Variants in LRFN5 observed in about 807,000 individuals in gnomAD.
LRFN5 encodes leucine rich repeat and fibronectin type III domain containing 5.
Under a neutral mutation model 45.6 loss-of-function variants are expected in LRFN5, and 24 were observed. The ratio of observed to expected loss-of-function variants is 0.53; its 90% CI spans 0.38 to 0.74. The LOEUF is 0.74. Ranked by LOEUF, LRFN5 falls within the 30% of genes least tolerant of loss-of-function variation. LRFN5 has a pLI of 0.00. For missense variants in LRFN5, 776 were observed against 861.5 expected (o/e 0.90, Z 1.24); for synonymous variants, 340 against 313.8 (o/e 1.08, Z -0.88).
intron 1 of LRFN5, among the ~76,000 whole-genome samples, chr14:41,672,394 C>G (rs757035515): frequency 2.6e-5 from 4 of 152,014 alleles, no homozygotes; most frequent in Non-Finnish European, 1.5e-5. Flanking sequence ...TGCCTCCTTT[C>G]TGATATATAC....
At chr14:41,803,517 AG>A (rs907108811) in intron 2 of LRFN5, among the ~76,000 whole-genome samples, 12 of 145,244 alleles carry the variant, frequency 8.3e-5, no homozygotes, top group African/African-American at 3.0e-4. Flanking sequence ...GTGCCAGGAT[AG>A]TTTTTTTTTT....
At chr14:41,818,990 G>A (rs1888019324) in intron 2 of LRFN5, among the ~76,000 whole-genome samples, 1 of 152,074 alleles carries the variant, frequency 6.6e-6, no homozygotes, top group South Asian at 2.1e-4. Context: ...AGAATATGTG[G>A]TACTTGGCTG....
chr14:41,812,269 A>G (rs1050343891), intron 2 of LRFN5, among the ~76,000 whole-genome samples: 1 of 151,984 alleles, frequency 6.6e-6, no homozygotes, highest in African/African-American at 2.4e-5. Flanking sequence ...ACAGGTCTTC[A>G]TTTTTTACAG....
At chr14:41,871,483 G>A (rs550431857) in intron 2 of LRFN5, among the ~76,000 whole-genome samples, 1 of 151,960 alleles carries the variant, frequency 6.6e-6, no homozygotes, top group Non-Finnish European at 1.5e-5. Flanking sequence ...CAGCTATTTG[G>A]GAGTCTGAGT....
intron 1 of LRFN5, among the ~76,000 whole-genome samples, chr14:41,664,835 T>TA (rs992129498): frequency 1.5e-4 from 23 of 152,128 alleles, no homozygotes; most frequent in African/African-American, 5.5e-4. Context: ...AACATGTTGG[T>TA]ATTGATTGAT....
intron 1 of LRFN5, among the ~76,000 whole-genome samples, chr14:41,681,395 A>G (rs1829197254): frequency 6.6e-6 from 1 of 152,206 alleles, no homozygotes; most frequent in Non-Finnish European, 1.5e-5. Context: ...TTAACATAAA[A>G]TGTAGCTCCA....
At chr14:41,709,906 A>G (rs1389696507) in intron 1 of LRFN5, among the ~76,000 whole-genome samples, 4 of 152,098 alleles carry the variant, frequency 2.6e-5, no homozygotes, top group Non-Finnish European at 5.9e-5. Context: ...ACTTTACTAT[A>G]GATGTAAATA....
At chr14:41,664,541 A>C (rs773916678) in intron 1 of LRFN5, among the ~76,000 whole-genome samples, 2 of 151,876 alleles carry the variant, frequency 1.3e-5, no homozygotes, top group Non-Finnish European at 2.9e-5. Flanking sequence ...TCATGCCTAT[A>C]ATCCCAGTGC....
chr14:41,882,918 T>A (rs1470308982), intron 2 of LRFN5, among the ~76,000 whole-genome samples: 2 of 148,416 alleles, frequency 1.3e-5, no homozygotes, highest in Non-Finnish European at 3.0e-5. Flanking sequence ...GCGCGATCTC[T>A]GCTTACTGCA....
intron 2 of LRFN5, among the ~76,000 whole-genome samples, chr14:41,833,515 C>T (rs750576701): frequency 6.6e-6 from 1 of 152,180 alleles, no homozygotes; most frequent in Non-Finnish European, 1.5e-5. Context: ...TCTTTCAAGG[C>T]AAAGTTACAA....
intron 1 of LRFN5, among the ~76,000 whole-genome samples, chr14:41,735,096 G>A (rs1228233867): frequency 6.6e-6 from 1 of 151,686 alleles, no homozygotes; most frequent in Non-Finnish European, 1.5e-5. Context: ...AATATTCTGA[G>A]TTTTACTCGA....
chr14:41,802,051 C>T lies in LRFN5; in HGVS notation c.-21+35022C>T, dbSNP rs555256704. On this transcript the variant is annotated intron_variant, in intron 2 of 5. Coordinates refer to ENST00000298119, the MANE Select transcript of LRFN5 (RefSeq NM_152447.5). ...ACAGGGTTAAGGTGGAAATTTTTTG[C>T]AACTGATTTAATGCGTCTTTCTGTC... Among the ~76,000 whole-genome samples the T allele has an allele frequency of 3.3e-5, 5 of 152,218 alleles. No individual in the cohort carries two copies. The South Asian group carries it at 1.0e-3, about 32-fold the overall frequency.
chr14:41,793,981 G>C (rs920252515), intron 2 of LRFN5, among the ~76,000 whole-genome samples: 4 of 152,008 alleles, frequency 2.6e-5, no homozygotes, highest in African/African-American at 9.7e-5. Flanking sequence ...AGTTATTATA[G>C]ATTCCTCCTG....
intron 1 of LRFN5, among the ~76,000 whole-genome samples, chr14:41,697,416 C>T (rs1882658334): frequency 6.6e-6 from 1 of 151,688 alleles, no homozygotes; most frequent in Admixed American, 6.6e-5. Flanking sequence ...AATTTTGTTT[C>T]AGTACTTTAT....
intron 2 of LRFN5, among the ~76,000 whole-genome samples, chr14:41,786,873 CTT>C (rs1179076112): frequency 2.6e-5 from 4 of 151,888 alleles, no homozygotes; most frequent in Non-Finnish European, 5.9e-5. Context: ...CTATCACTGT[CTT>C]GACATTCTTT....
At chr14:41,722,437 T>A (rs1007956347) in intron 1 of LRFN5, among the ~76,000 whole-genome samples, 29 of 152,176 alleles carry the variant, frequency 1.9e-4, no homozygotes, top group African/African-American at 5.3e-4. Context: ...CATTCAGATT[T>A]TTCATGGTTC....
intron 1 of LRFN5, among the ~76,000 whole-genome samples, chr14:41,628,440 A>C (rs1282351032): frequency 6.6e-6 from 1 of 151,856 alleles, no homozygotes; most frequent in African/African-American, 2.4e-5. Flanking sequence ...TCATGTCTAC[A>C]AAAAAAATTA....
intron 1 of LRFN5, among the ~76,000 whole-genome samples, chr14:41,702,370 C>A (rs1388347110): frequency 6.6e-6 from 1 of 152,174 alleles, no homozygotes; most frequent in Non-Finnish European, 1.5e-5. Flanking sequence ...GCCACTGGCA[C>A]CATACATTGT....
intron 1 of LRFN5, among the ~76,000 whole-genome samples, chr14:41,694,502 A>G (rs571806813): frequency 1.3e-5 from 2 of 151,974 alleles, no homozygotes; most frequent in African/African-American, 4.8e-5. Flanking sequence ...CATCCATGGT[A>G]TCCCAAATAA....
Sources: gnomAD v4.1 joint callset for allele counts (sites outside exome capture counted in the v4.1 genomes callset) on GRCh38, gnomAD v4.1.1 for gene constraint, MANE v1.5 for transcripts, NCBI Gene and HGNC (gene_info 2026-07-23, HGNC 2026-07-21) for gene names.